Variants in VTI1A observed in about 807,000 individuals in gnomAD.
VTI1A encodes the protein vesicle transport through interaction with t-SNAREs 1A.
VTI1A carries 22 observed loss-of-function variants against 34.9 expected under a neutral mutation model. That is an observed-to-expected ratio of 0.63 (90% CI 0.45 to 0.90). VTI1A has a LOEUF of 0.90. VTI1A is among the 40% of genes least tolerant of loss of function. VTI1A has a pLI of 0.00. For missense variants in VTI1A, 268 were observed against 275.6 expected (o/e 0.97, Z 0.20); for synonymous variants, 87 against 97.3 (o/e 0.89, Z 0.62).
intron 5 of VTI1A, among the ~76,000 whole-genome samples, chr10:112,661,432 A>G (rs1377364054): frequency 1.3e-5 from 2 of 152,022 alleles, no homozygotes; most frequent in African/African-American, 4.8e-5. Context: ...ATACTTATCC[A>G]CAGATTTACC....
intron 5 of VTI1A, among the ~76,000 whole-genome samples, chr10:112,655,115 A>C (rs1177602634): frequency 6.6e-6 from 1 of 152,192 alleles, no homozygotes; most frequent in Non-Finnish European, 1.5e-5. Context: ...ACTTGATAGA[A>C]ATGCAACTTC....
At chr10:112,782,015 G>A (rs1338666737) in intron 7 of VTI1A, among the ~76,000 whole-genome samples, 3 of 152,074 alleles carry the variant, frequency 2.0e-5, no homozygotes, top group African/African-American at 7.2e-5. Flanking sequence ...AAGACCCTTC[G>A]ACTGACACAA....
intron 7 of VTI1A, among the ~76,000 whole-genome samples, chr10:112,722,111 A>G (rs756345571): frequency 9.9e-5 from 15 of 152,236 alleles, no homozygotes; most frequent in Non-Finnish European, 1.9e-4. Context: ...TGTTAAGGGT[A>G]CAGGGTTTTC....
At chr10:112,542,429 C>T (rs1342241811) in intron 5 of VTI1A, among the ~76,000 whole-genome samples, 1 of 152,138 alleles carries the variant, frequency 6.6e-6, no homozygotes, top group African/African-American at 2.4e-5. Context: ...CCCCATCCCT[C>T]ACCAGCAAGC....
At chr10:112,594,005 G>T (rs1844509945) in intron 5 of VTI1A, among the ~76,000 whole-genome samples, 1 of 152,140 alleles carries the variant, frequency 6.6e-6, no homozygotes, top group Non-Finnish European at 1.5e-5. Flanking sequence ...TGTCTCCCGG[G>T]TTCCCGCCAT....
the VTI1A span, among the ~76,000 whole-genome samples, chr10:112,851,550 C>T: frequency 2.0e-5 from 3 of 152,164 alleles, no homozygotes; most frequent in African/African-American, 7.2e-5. Context: ...GTAAGGGGTG[C>T]CCCTTCCTCA....
At chr10:112,625,631 ACT>A (rs902545333) in intron 5 of VTI1A, among the ~76,000 whole-genome samples, 2 of 150,622 alleles carry the variant, frequency 1.3e-5, no homozygotes, top group African/African-American at 4.9e-5. Context: ...CAAGAGTGAA[ACT>A]CTGTCTCAAA....
At chr10:112,543,037 A>G (rs887261309) in intron 5 of VTI1A, among the ~76,000 whole-genome samples, 1 of 152,194 alleles carries the variant, frequency 6.6e-6, no homozygotes, top group Admixed American at 6.5e-5. Flanking sequence ...ATAGTATTCC[A>G]TGGTGTATAT....
intron 5 of VTI1A, among the ~76,000 whole-genome samples, chr10:112,550,641 A>T (rs950591943): frequency 2.0e-5 from 3 of 152,192 alleles, no homozygotes; most frequent in South Asian, 4.1e-4. Context: ...TTTTCCAAGT[A>T]AAGTCCTTAT....
At position 112,715,662 on chromosome 10, in the gene VTI1A, A is replaced by ATAGT. The variant is rs549064993; in HGVS notation, c.560+46666_560+46669dup. Reference sequence around the variant, plus strand: ...CTGTGTACTTCCTTTTCCCTGCCAGATAGTTGTTCCTGGCTGGAAGACATT... The same window carrying ATAGT: ...CTGTGTACTTCCTTTTCCCTGCCAGATAGTTAGTTGTTCCTGGCTGGAAGACATT... On this transcript the variant is annotated intron_variant, in intron 7 of 7. Coordinates refer to ENST00000393077, the MANE Select transcript of VTI1A (RefSeq NM_145206.4). Among the ~76,000 whole-genome samples the ATAGT allele has an allele frequency of 4.0e-3, 606 of 152,290 alleles. 3 individuals carry two copies. The highest frequency in any genetic ancestry group is 5.5e-3 in the Non-Finnish European group (375 of 68,028).
At chr10:112,561,966 GAATTTACC>G in intron 5 of VTI1A, among the ~76,000 whole-genome samples, 1 of 152,182 alleles carries the variant, frequency 6.6e-6, no homozygotes, top group Middle Eastern at 3.4e-3. Flanking sequence ...TCTTTTACCA[GAATTTACC>G]AATTCCACCT....
At chr10:112,594,135 T>C (rs1844517633) in intron 5 of VTI1A, among the ~76,000 whole-genome samples, 1 of 152,120 alleles carries the variant, frequency 6.6e-6, no homozygotes, top group African/African-American at 2.4e-5. Context: ...ATGGTCTCGA[T>C]TGCCTGACCT....
intron 5 of VTI1A, among the ~76,000 whole-genome samples, chr10:112,583,353 C>T (rs1844024303): frequency 6.6e-6 from 1 of 152,106 alleles, no homozygotes; most frequent in Non-Finnish European, 1.5e-5. Flanking sequence ...AATCTGAAGG[C>T]CATTTCTCTG....
chr10:112,454,279 GT>G, intron 1 of VTI1A, among the ~76,000 whole-genome samples: 1 of 152,256 alleles, frequency 6.6e-6, no homozygotes, highest in East Asian at 1.9e-4. Context: ...AAGCACTTCT[GT>G]AAATATCAAG....
chr10:112,693,328 C>T (rs1848668651), intron 7 of VTI1A, among the ~76,000 whole-genome samples: 1 of 152,242 alleles, frequency 6.6e-6, no homozygotes, highest in South Asian at 2.1e-4. Flanking sequence ...AGGCAGGTTG[C>T]CTGAGGTCAG....
At position 112,769,472 on chromosome 10, in the gene VTI1A, A is replaced by G. The variant is rs11817799; in HGVS notation, c.561-45818A>G. Among the ~76,000 whole-genome samples, 1,292 of 152,314 alleles carry G rather than the reference A, an allele frequency of 8.5e-3. 14 individuals carry two copies. Among genetic ancestry groups the G allele is most frequent in the African/African-American group, 0.029 (1,206 of 41,566 alleles). ...CATTTGGAATATTAGATGAAAGACC[A>G]TGGAATTTCCCTATCTTCATGTCTT... On this transcript the variant is annotated intron_variant, in intron 7 of 7. Coordinates refer to ENST00000393077, the MANE Select transcript of VTI1A (RefSeq NM_145206.4).
chr10:112,546,776 C>T (rs551515429), intron 5 of VTI1A, among the ~76,000 whole-genome samples: 33 of 152,098 alleles, frequency 2.2e-4, no homozygotes, highest in Middle Eastern at 3.4e-3. Flanking sequence ...ATACCAATGC[C>T]GTGTGTTTTC....
chr10:112,721,091 G>T (rs188269397), intron 7 of VTI1A, among the ~76,000 whole-genome samples: 56 of 152,288 alleles, frequency 3.7e-4, no homozygotes, highest in African/African-American at 1.3e-3. Flanking sequence ...CGTTTTATGT[G>T]TGGGGAAACT....
intron 5 of VTI1A, among the ~76,000 whole-genome samples, chr10:112,602,944 G>T (rs1221508928): frequency 6.6e-6 from 1 of 152,164 alleles, no homozygotes; most frequent in African/African-American, 2.4e-5. Context: ...CAGATGTGCT[G>T]CTTAATTTTT....
Sources: allele counts gnomAD v4.1 joint callset (sites outside exome capture counted in the v4.1 genomes callset), GRCh38; gene constraint gnomAD v4.1.1; transcripts MANE v1.5; gene names NCBI Gene and HGNC (gene_info 2026-07-23, HGNC 2026-07-21).